EVL: variants seen among roughly 807,000 people sequenced by gnomAD.
EVL encodes ena/VASP-like protein.
A neutral mutation model predicts 59.6 loss-of-function variants in EVL; 21 were observed. That is an observed-to-expected ratio of 0.35 (90% CI 0.25 to 0.51). The LOEUF (loss-of-function observed/expected upper bound fraction) is 0.51, where lower values mean the gene tolerates loss of function less well. EVL is among the 20% of genes least tolerant of loss of function. The pLI is 0.97. For synonymous variants in EVL, 198 were observed against 203.5 expected (o/e 0.97, Z 0.23); for missense variants, 462 against 546.6 (o/e 0.85, Z 1.54).
intron 1 of EVL, among the ~76,000 whole-genome samples, chr14:100,004,892 AT>A (rs2060968588): frequency 6.6e-6 from 1 of 151,822 alleles, no homozygotes; most frequent in African/African-American, 2.4e-5. Flanking sequence ...CCTACAATAT[AT>A]TTTTATTGGA....
chr14:100,116,280 C>T (rs1157923974), intron 3 of EVL, among the ~76,000 whole-genome samples: 1 of 152,166 alleles, frequency 6.6e-6, no homozygotes, highest in East Asian at 1.9e-4. Flanking sequence ...AGGGAGGAGG[C>T]CTTAGAAGAA....
Position 100,130,734 on chromosome 14 carries a change from C to T in EVL, c.839+1050C>T, listed in dbSNP as rs1051816909. 4.6e-5 allele frequency among the ~76,000 whole-genome samples: 7 copies of T among 152,230 alleles called. No homozygotes were observed. Among genetic ancestry groups the T allele is most frequent in the Non-Finnish European group, 2.9e-5 (2 of 68,032 alleles). Reference sequence around the variant, plus strand: ...ATGGCAGGGCCACAGCCTGGGTTTCCTGCCAAGGGGCTCTTTGCTTGCATC... The same window carrying T: ...ATGGCAGGGCCACAGCCTGGGTTTCTTGCCAAGGGGCTCTTTGCTTGCATC... On this transcript the variant is annotated intron_variant, in intron 7 of 13. Transcript: ENST00000392920. This position sits in a 1 kb window ranked among gnomAD's most constrained non-coding sequence, Gnocchi z 4.8.
Position 100,108,207 on chromosome 14 carries a change from G to T in EVL, c.358+10549G>T, listed in dbSNP as rs901228058. On this transcript the variant is annotated intron_variant, in intron 3 of 13. Coordinates refer to ENST00000392920, the MANE Select transcript of EVL (RefSeq NM_016337.3). The surrounding 1 kb of genome is among the most constrained non-coding windows in gnomAD (Gnocchi z 4.1). ...AAGGGACTTACAGGCAGACCTTCCC[G>T]GGAAGAGTCAGGCCCAGCTCCATGT... The T allele has an allele frequency of 6.6e-6, 1 of 152,162 alleles. No individual in the cohort carries two copies. The highest frequency in any genetic ancestry group is 1.5e-5 in the Non-Finnish European group (1 of 68,038). The allele number at this position is 152,162 out of a possible 1,614,324, so 9.4% of individuals were successfully genotyped here. A position where few individuals can be genotyped will look rare whatever the true frequency, so the allele number is the denominator to read the frequency against.
chr14:100,134,480 A>G (rs888879650), intron 8 of EVL, among the ~76,000 whole-genome samples: 5 of 152,178 alleles, frequency 3.3e-5, no homozygotes, highest in Admixed American at 1.3e-4. Flanking sequence ...GCCCCTGGCT[A>G]CAGCTGGTTC....
intron 5 of EVL, 39 bp from the exon 6 acceptor site, chr14:100,128,479 TG>T (rs1888220185): frequency 6.2e-7 from 1 of 1,605,058 alleles, no homozygotes; most frequent in Non-Finnish European, 8.5e-7. Flanking sequence ...GGCCCCCAGC[TG>T]GGTGCTGGAG....
At chr14:100,131,926 G>GT (rs1455439938) in intron 7 of EVL, among the ~76,000 whole-genome samples, 5 of 152,104 alleles carry the variant, frequency 3.3e-5, no homozygotes, top group African/African-American at 9.7e-5. Context: ...AGGCTGCCAG[G>GT]TAGGCCCATC....
chr14:100,007,908 A>G (rs1237314267), intron 1 of EVL, among the ~76,000 whole-genome samples: 1 of 152,180 alleles, frequency 6.6e-6, no homozygotes, highest in African/African-American at 2.4e-5. Flanking sequence ...CCTCAGCACT[A>G]TTGACAGATA....
At chr14:100,057,317 G>A (rs1008860386) in intron 1 of EVL, among the ~76,000 whole-genome samples, 7 of 152,252 alleles carry the variant, frequency 4.6e-5, no homozygotes, top group East Asian at 1.9e-4. Context: ...CCAAGTCCAC[G>A]GAAGTCTAAG....
intron 1 of EVL, among the ~76,000 whole-genome samples, chr14:100,032,028 A>G (rs1323231685): frequency 6.6e-6 from 1 of 152,232 alleles, no homozygotes; most frequent in African/African-American, 2.4e-5. Flanking sequence ...TATCTGCTAG[A>G]TCAGACAACT....
chr14:100,051,161 A>G (rs1397529158), intron 1 of EVL, among the ~76,000 whole-genome samples: 1 of 152,238 alleles, frequency 6.6e-6, no homozygotes, highest in Non-Finnish European at 1.5e-5. Flanking sequence ...GGCAAATTCT[A>G]GAAATAATTT....
chr14:100,056,122 G>A (rs182965933), intron 1 of EVL, among the ~76,000 whole-genome samples: 98 of 152,122 alleles, frequency 6.4e-4, no homozygotes, highest in Non-Finnish European at 1.2e-3. Context: ...CGTTGTTTTC[G>A]TATCAGTTCT....
chr14:99,978,937 A>C (rs572077360), intron 1 of EVL, among the ~76,000 whole-genome samples: 4 of 152,250 alleles, frequency 2.6e-5, no homozygotes, highest in Admixed American at 6.5e-5. Context: ...ATTTTAGCAA[A>C]AAAGTACTAT....
chr14:100,124,895 C>T (rs1887930380), intron 4 of EVL, among the ~76,000 whole-genome samples: 1 of 152,224 alleles, frequency 6.6e-6, no homozygotes, highest in African/African-American at 2.4e-5. Flanking sequence ...GACACACACA[C>T]AAGCACATAC....
intron 1 of EVL, among the ~76,000 whole-genome samples, chr14:99,982,038 C>A (rs1298103230): frequency 2.0e-5 from 3 of 152,004 alleles, no homozygotes; most frequent in Non-Finnish European, 2.9e-5. Context: ...GAAGAGTGGC[C>A]GGTCCCTTCA....
rs561860805 is a variant in EVL at position 100,142,832 on chromosome 14, C to T, written c.1220-869C>T. ...GTCACACCGCCTTACTGCTGGGTGC[C>T]GTCTGGCCCCAGGCATAGCTGGGTC... On this transcript the variant is annotated intron_variant, in intron 13 of 13. Coordinates refer to ENST00000392920, the MANE Select transcript of EVL (RefSeq NM_016337.3). Among the ~76,000 whole-genome samples, 4 of 152,326 alleles carry T rather than the reference C, an allele frequency of 2.6e-5. No individual in the cohort carries two copies. In the South Asian group the frequency reaches 8.3e-4, roughly 32 times the overall value.
In EVL at chr14:100,138,155, C is replaced by A. The variant is rs1888931210; in HGVS notation, c.1094+353C>A. The A allele has an allele frequency of 1.0e-5, 4 of 382,314 alleles. No homozygotes were observed. In the East Asian group the frequency reaches 2.3e-4, roughly 22 times the overall value. The allele number at this position is 382,314 out of a possible 1,614,324, so 23.7% of individuals were successfully genotyped here. A position where few individuals can be genotyped will look rare whatever the true frequency, so the allele number is the denominator to read the frequency against. On this transcript the variant is annotated intron_variant, in intron 11 of 13. Transcript: ENST00000392920. ...CCCCCCACAAAGTGAGGTCTGTTAA[C>A]CCCTGCTGCACAGGGTGGTGGTGGG...
At position 100,108,433 on chromosome 14, in the gene EVL, G is replaced by T. The variant is rs1886721820; in HGVS notation, c.358+10775G>T. Among the ~76,000 whole-genome samples the T allele has an allele frequency of 6.6e-6, 1 of 152,208 alleles. No homozygotes were observed. The highest frequency in any genetic ancestry group is 2.4e-5 in the African/African-American group (1 of 41,450). On this transcript the variant is annotated intron_variant, in intron 3 of 13. Coordinates refer to ENST00000392920, the MANE Select transcript of EVL (RefSeq NM_016337.3). The surrounding 1 kb of genome is among the most constrained non-coding windows in gnomAD (Gnocchi z 4.1). ...ACCTGAGAGAAAGCAGGCCCAGCATGGCCCTGCCTGAGGGGAACAGGACGG... is the reference window on the plus strand; with the variant it reads ...ACCTGAGAGAAAGCAGGCCCAGCATTGCCCTGCCTGAGGGGAACAGGACGG...
At chr14:100,047,877 GC>G (rs146076338) in intron 1 of EVL, among the ~76,000 whole-genome samples, 137 of 152,296 alleles carry the variant, frequency 9.0e-4, no homozygotes, top group Non-Finnish European at 1.5e-3. Flanking sequence ...AGAAAGTATA[GC>G]CTTTTCAGCA....
Position 100,065,473 on chromosome 14 carries a change from G to T in EVL, c.-28G>T. ...TGGGAGTACAGGACTCGCCTCCTCAGGGTTCCCTGTGCTGCCACTTTTCAG... is the reference window on the plus strand; with the variant it reads ...TGGGAGTACAGGACTCGCCTCCTCATGGTTCCCTGTGCTGCCACTTTTCAG... On this transcript the variant is annotated 5_prime_UTR_variant, in exon 1 of 14. In the 5' UTR this introduces an upstream ATG that the reference lacks. Coordinates refer to ENST00000392920, the MANE Select transcript of EVL (RefSeq NM_016337.3). The T allele has an allele frequency of 1.3e-6, 2 of 1,500,916 alleles. No individual in the cohort carries two copies. The highest frequency in any genetic ancestry group is 1.8e-6 in the Non-Finnish European group (2 of 1,112,004). The allele number at this position is 1,500,916 out of a possible 1,614,324, so 93.0% of individuals were successfully genotyped here.
Sources: gnomAD v4.1 joint callset for allele counts (sites outside exome capture counted in the v4.1 genomes callset) on GRCh38, gnomAD v4.1.1 for gene constraint, Gnocchi (gnomAD v3.1) non-coding constraint, MANE v1.5 for transcripts, NCBI Gene and HGNC (gene_info 2026-07-23, HGNC 2026-07-21) for gene names.